ZNF121: variants seen among roughly 807,000 people sequenced by gnomAD.
ZNF121 encodes zinc finger protein 121, also known as zinc finger protein 121 (clone ZHC32).
Under a neutral mutation model 2.4 loss-of-function variants are expected in ZNF121, and 1 was observed. That is an observed-to-expected ratio of 0.41 (90% CI 0.15 to 1.94). ZNF121 has a LOEUF of 1.94. Among genes scored for constraint, ZNF121 ranks in the 30% most tolerant of loss-of-function variants. The pLI is 0.30. For missense variants in ZNF121, 369 were observed against 466.3 expected, an observed-to-expected ratio of 0.79 and a Z score of 1.92; for synonymous variants, 173 against 158.6, an observed-to-expected ratio of 1.09 and a Z score of -0.68.
rs1440446932 is a variant in ZNF121 at position 9,564,150 on chromosome 19, G to C, written c.*1790C>G. 1 of 152,150 alleles carries C rather than the reference G, an allele frequency of 6.6e-6. No individual in the cohort carries two copies. The highest frequency in any genetic ancestry group is 1.5e-5 in the Non-Finnish European group (1 of 68,034). The allele number at this position is 152,150 out of a possible 1,614,324, so 9.4% of individuals were successfully genotyped here. On this transcript the variant is annotated 3_prime_UTR_variant, in exon 4 of 4. Coordinates refer to ENST00000320451, the MANE Select transcript of ZNF121 (RefSeq NM_001008727.5). ...AATTAAGTTGCAGACCTTGCAGAAAGGATTCTCCATTCTAGATGCCATTAA... is the reference window on the plus strand; with the variant it reads ...AATTAAGTTGCAGACCTTGCAGAAACGATTCTCCATTCTAGATGCCATTAA...
intron 1 of ZNF121, among the ~76,000 whole-genome samples, chr19:9,580,202 G>C (rs1281856470): frequency 6.6e-6 from 1 of 151,988 alleles, no homozygotes; most frequent in African/African-American, 2.4e-5. Context: ...TGAGGCAGGA[G>C]AATGGCGTGA....
At chr19:9,572,177 T>C (rs1042030044) in intron 1 of ZNF121, among the ~76,000 whole-genome samples, 6 of 152,176 alleles carry the variant, frequency 3.9e-5, no homozygotes, top group Non-Finnish European at 7.3e-5. Flanking sequence ...CAAATGCATA[T>C]TGTGAAAATT....
chr19:9,564,244 G>A lies in ZNF121; in HGVS notation c.*1696C>T, dbSNP rs1379357976. 2.6e-5 allele frequency: 4 copies of A among 152,084 alleles called. No homozygotes were observed. Among genetic ancestry groups the A allele is most frequent in the Non-Finnish European group, 5.9e-5 (4 of 68,064 alleles). The allele number at this position is 152,084 out of a possible 1,614,324, so 9.4% of individuals were successfully genotyped here. ...AGGCAGGTGTGGTGGTGTGTGCCTG[G>A]AGTCTTGGCTACTCAGGAGGCATAG... On this transcript the variant is annotated 3_prime_UTR_variant, in exon 4 of 4. Coordinates refer to ENST00000320451, the MANE Select transcript of ZNF121 (RefSeq NM_001008727.5).
intron 3 of ZNF121, chr19:9,567,730 A>G: frequency 3.6e-6 from 1 of 280,096 alleles, no homozygotes; most frequent in Non-Finnish European, 7.3e-6. Flanking sequence ...ACAGTGACAG[A>G]TCATCAGTCT....
chr19:9,574,990 C>T (rs1029453162), intron 1 of ZNF121, among the ~76,000 whole-genome samples: 7 of 152,180 alleles, frequency 4.6e-5, no homozygotes, highest in Admixed American at 2.0e-4. Flanking sequence ...GTTGCCCAGG[C>T]TGGTCTCAAA....
At chr19:9,576,299 C>A in intron 1 of ZNF121, among the ~76,000 whole-genome samples, 1 of 151,192 alleles carries the variant, frequency 6.6e-6, no homozygotes, top group East Asian at 1.9e-4. Flanking sequence ...TTTGAGACCA[C>A]CCTGGGCAAC....
intron 1 of ZNF121, among the ~76,000 whole-genome samples, chr19:9,577,325 C>T (rs568122480): frequency 2.0e-5 from 3 of 152,156 alleles, no homozygotes; most frequent in East Asian, 3.9e-4. Flanking sequence ...GCATGTGCGC[C>T]TGTAGTCCCT....
intron 1 of ZNF121, among the ~76,000 whole-genome samples, chr19:9,569,296 A>G (rs1317623038): frequency 6.6e-6 from 1 of 151,988 alleles, no homozygotes; most frequent in Non-Finnish European, 1.5e-5. Flanking sequence ...AAAAACCATT[A>G]AAGACTGGGC....
chr19:9,583,363 A>G (rs1438174040), intron 1 of ZNF121, among the ~76,000 whole-genome samples: 5 of 149,694 alleles, frequency 3.3e-5, no homozygotes, highest in African/African-American at 1.2e-4. Context: ...TTTCGCTCTC[A>G]TCGCCCAGGC....
Position 9,567,525 on chromosome 19 carries a change from CAG to C in ZNF121, c.4-418_4-417del, listed in dbSNP as rs543235242. 313 of 219,700 alleles carry C rather than the reference CAG, an allele frequency of 1.4e-3. 1 individual carries two copies. The highest frequency in any genetic ancestry group is 6.7e-3 in the African/African-American group (293 of 43,758). The allele number at this position is 219,700 out of a possible 1,614,324, so 13.6% of individuals were successfully genotyped here. Reference sequence around the variant, plus strand: ...TCGTAGATGACAATTTTTCCACAAACAGGGGTGGAATAGGGGTGGGATAGGGA... The same window carrying C: ...TCGTAGATGACAATTTTTCCACAAACGGGTGGAATAGGGGTGGGATAGGGA... On this transcript the variant is annotated intron_variant, in intron 3 of 3. Transcript: ENST00000320451.
intron 1 of ZNF121, among the ~76,000 whole-genome samples, chr19:9,581,717 T>C (rs972654730): frequency 4.6e-5 from 7 of 152,138 alleles, no homozygotes; most frequent in Admixed American, 6.5e-5. Flanking sequence ...ACATTAACAA[T>C]TGCAATGTAA....
intron 1 of ZNF121, among the ~76,000 whole-genome samples, chr19:9,571,251 C>A (rs1033748420): frequency 9.9e-5 from 15 of 152,148 alleles, no homozygotes; most frequent in African/African-American, 3.6e-4. Context: ...ACAAAAAACA[C>A]ATGGAGAGAC....
intron 1 of ZNF121, among the ~76,000 whole-genome samples, chr19:9,582,217 G>A (rs1050434973): frequency 2.6e-5 from 4 of 152,182 alleles, no homozygotes; most frequent in African/African-American, 9.7e-5. Context: ...AGGCCTCTGA[G>A]CCGAAGCCAA....
Position 9,565,723 on chromosome 19 carries a change from A to AT in ZNF121, c.*216_*217insA, listed in dbSNP as rs1482976204. 1 of 254,238 alleles carries AT rather than the reference A, an allele frequency of 3.9e-6. No homozygotes were observed. Among genetic ancestry groups the AT allele is most frequent in the Non-Finnish European group, 7.2e-6 (1 of 138,592 alleles). The allele number at this position is 254,238 out of a possible 1,614,324, so 15.7% of individuals were successfully genotyped here. On this transcript the variant is annotated 3_prime_UTR_variant, in exon 4 of 4. Coordinates refer to ENST00000320451, the MANE Select transcript of ZNF121 (RefSeq NM_001008727.5). ...TAAAATAAAATAAAATAAAATAATA[A>AT]AAAAAGATTCCATTGGCTCCCTAAC...
intron 1 of ZNF121, among the ~76,000 whole-genome samples, chr19:9,577,742 T>C (rs2144820651): frequency 6.6e-6 from 1 of 151,942 alleles, no homozygotes; most frequent in African/African-American, 2.4e-5. Context: ...AAAGAAATAC[T>C]GACCAAAAAA....
At chr19:9,574,689 T>C (rs1479126722) in intron 1 of ZNF121, among the ~76,000 whole-genome samples, 1 of 152,192 alleles carries the variant, frequency 6.6e-6, no homozygotes, top group African/African-American at 2.4e-5. Context: ...AGGAAGTAAC[T>C]TGTGGAATGC....
intron 1 of ZNF121, among the ~76,000 whole-genome samples, chr19:9,581,489 G>C (rs1319509751): frequency 6.6e-6 from 1 of 152,028 alleles, no homozygotes; most frequent in Non-Finnish European, 1.5e-5. Context: ...ATGTGAGCTG[G>C]TACTGATAAC....
intron 1 of ZNF121, among the ~76,000 whole-genome samples, chr19:9,570,589 G>A (rs548316212): frequency 7.2e-5 from 11 of 152,106 alleles, no homozygotes; most frequent in East Asian, 1.9e-4. Context: ...TTTTTGAGAC[G>A]GAGTTTTGCT....
At chr19:9,567,245 G>GT in intron 3 of ZNF121, 136 bp from the exon 4 acceptor site, 1 of 726,452 alleles carries the variant, frequency 1.4e-6, no homozygotes, top group South Asian at 2.1e-5. Flanking sequence ...GCTGCCCCAT[G>GT]TATTTCTTAC....
Sources: allele counts gnomAD v4.1 joint callset (sites outside exome capture counted in the v4.1 genomes callset), GRCh38; gene constraint gnomAD v4.1.1; transcripts MANE v1.5; gene names NCBI Gene and HGNC (gene_info 2026-07-23, HGNC 2026-07-21).